RBFOX1: variants seen among roughly 807,000 people sequenced by gnomAD.
RBFOX1 encodes the protein RNA binding protein fox-1 homolog 1.
RBFOX1 carries 8 observed loss-of-function variants against 57.7 expected under a neutral mutation model. That is an observed-to-expected ratio of 0.14 (90% CI 0.08 to 0.25). The LOEUF is 0.25. RBFOX1 is among the 10% of genes least tolerant of loss of function. The pLI is 1.00. For missense variants in RBFOX1, 611 were observed against 548.5 expected, an observed-to-expected ratio of 1.11 and a Z score of -1.14; for synonymous variants, 326 against 222.4, an observed-to-expected ratio of 1.47 and a Z score of -4.15.
downstream of RBFOX1, among the ~76,000 whole-genome samples, chr16:5,602,688 T>G (rs2047405597): frequency 6.6e-6 from 1 of 152,184 alleles, no homozygotes; most frequent in Non-Finnish European, 1.5e-5. Context: ...ACCCTTTTAT[T>G]TTTTTTCTAT....
chr16:7,448,886 G>C (rs1394990920), intron 4 of RBFOX1, among the ~76,000 whole-genome samples: 2 of 147,336 alleles, frequency 1.4e-5, no homozygotes, highest in Non-Finnish European at 3.0e-5. Flanking sequence ...AACAAATAAG[G>C]TCATATTCCA....
intron 4 of RBFOX1, among the ~76,000 whole-genome samples, chr16:7,384,805 G>C (rs1206825901): frequency 6.6e-6 from 1 of 152,218 alleles, no homozygotes; most frequent in Non-Finnish European, 1.5e-5. Flanking sequence ...CAGTGGTATA[G>C]AGTGTGAACA....
chr16:5,314,816 C>G (rs1006351464), intron 1 of RBFOX1, among the ~76,000 whole-genome samples: 13 of 139,954 alleles, frequency 9.3e-5, no homozygotes, highest in Middle Eastern at 3.5e-3. Flanking sequence ...TCTTTTAAAA[C>G]CAGAAGATAT....
chr16:6,542,751 A>G (rs1327170749), intron 2 of RBFOX1, among the ~76,000 whole-genome samples: 1 of 151,524 alleles, frequency 6.6e-6, no homozygotes, highest in East Asian at 2.0e-4. Context: ...CTCGGCCCCC[A>G]GAAGTGCTGG....
At chr16:5,674,274 A>G (rs769122456) in intron 3 of RBFOX1, among the ~76,000 whole-genome samples, 2 of 152,250 alleles carry the variant, frequency 1.3e-5, no homozygotes, top group Non-Finnish European at 2.9e-5. Flanking sequence ...TTTAGGGTTC[A>G]GAGAAGCTGT....
At chr16:5,852,924 C>G (rs1381410036) in intron 3 of RBFOX1, among the ~76,000 whole-genome samples, 1 of 152,162 alleles carries the variant, frequency 6.6e-6, no homozygotes, top group Admixed American at 6.5e-5. Flanking sequence ...GCACTACTGC[C>G]CCTCCTCTAG....
intron 5 of RBFOX1, among the ~76,000 whole-genome samples, chr16:7,563,663 T>G (rs1340351079): frequency 6.6e-6 from 1 of 152,030 alleles, no homozygotes; most frequent in Non-Finnish European, 1.5e-5. Flanking sequence ...GAGACGGGGG[T>G]TTCACTATGT....
At chr16:5,841,831 C>A (rs1597455561) in intron 3 of RBFOX1, among the ~76,000 whole-genome samples, 1 of 152,214 alleles carries the variant, frequency 6.6e-6, no homozygotes, top group Non-Finnish European at 1.5e-5. Context: ...CTAAAAGAAT[C>A]AGAAATAGAT....
rs1430373411 is a variant in RBFOX1 at position 7,050,370 on chromosome 16, A to G, written c.-15-1687A>G. On this transcript the variant is annotated intron_variant, in intron 3 of 15. Transcript: ENST00000550418. ...AACCTCTGCCTCCCAGGTTCAAGTG[A>G]TTCTCCTGCTTCAGCCAACTGAGTA... Among the ~76,000 whole-genome samples the G allele has an allele frequency of 2.0e-5, 3 of 149,098 alleles. No individual in the cohort carries two copies. The East Asian group carries it at 6.0e-4, about 30-fold the overall frequency.
chr16:7,056,513 C>G (rs2052328420), intron 4 of RBFOX1, among the ~76,000 whole-genome samples: 2 of 152,088 alleles, frequency 1.3e-5, no homozygotes, highest in Admixed American at 6.5e-5. Flanking sequence ...GTGACCATAT[C>G]CAATTATCAA....
intron 4 of RBFOX1, among the ~76,000 whole-genome samples, chr16:5,980,479 A>C (rs975007880): frequency 6.6e-6 from 1 of 152,292 alleles, no homozygotes; most frequent in South Asian, 2.1e-4. Flanking sequence ...GGCAGACAGC[A>C]GACCTGAGAG....
At chr16:5,868,614 G>C (rs1049682906) in intron 4 of RBFOX1, among the ~76,000 whole-genome samples, 1 of 152,166 alleles carries the variant, frequency 6.6e-6, no homozygotes, top group African/African-American at 2.4e-5. Flanking sequence ...GGTGTGCAAA[G>C]GTTTTCCAGG....
rs555395930 is a variant in RBFOX1, at chr16:6,746,660, G to A, written c.-16+92010G>A. Among the ~76,000 whole-genome samples the A allele has an allele frequency of 8.8e-4, 134 of 151,616 alleles. 1 individual carries two copies. Among genetic ancestry groups the A allele is most frequent in the African/African-American group, 2.9e-3 (120 of 41,268 alleles). On this transcript the variant is annotated intron_variant, in intron 3 of 15. Transcript: ENST00000550418. Reference sequence around the variant, plus strand: ...GCCACTGCACTTCAGCCTGAGTGACGAGTGAGACACAGGTGTCAGGGAAAA... The same window carrying A: ...GCCACTGCACTTCAGCCTGAGTGACAAGTGAGACACAGGTGTCAGGGAAAA...
intron 4 of RBFOX1, among the ~76,000 whole-genome samples, chr16:7,372,099 G>A (rs2097576980): frequency 6.6e-6 from 1 of 152,122 alleles, no homozygotes; most frequent in Non-Finnish European, 1.5e-5. Context: ...CAGTGTGATT[G>A]TTGGGTCCAA....
chr16:5,906,139 G>A (rs138013325), intron 4 of RBFOX1, among the ~76,000 whole-genome samples: 2 of 152,262 alleles, frequency 1.3e-5, no homozygotes, highest in Admixed American at 1.3e-4. Flanking sequence ...AAGCATTAGG[G>A]ATTGAGTCAT....
intron 1 of RBFOX1, among the ~76,000 whole-genome samples, chr16:5,335,612 G>A (rs748153557): frequency 6.6e-6 from 1 of 152,190 alleles, no homozygotes; most frequent in Admixed American, 6.5e-5. Context: ...GCACATGAGC[G>A]AGCAGATTAG....
intron 3 of RBFOX1, among the ~76,000 whole-genome samples, chr16:5,754,321 A>G (rs1485487124): frequency 6.6e-6 from 1 of 152,150 alleles, no homozygotes; most frequent in Non-Finnish European, 1.5e-5. Context: ...CCTTGTGTTT[A>G]GTTGGTGCAA....
chr16:7,669,461 G>A (rs910390083), intron 13 of RBFOX1, among the ~76,000 whole-genome samples: 4 of 152,236 alleles, frequency 2.6e-5, no homozygotes, highest in Non-Finnish European at 4.4e-5. Context: ...AGAGCAGAGA[G>A]AAAGAGTGAG....
At chr16:6,567,891 G>A (rs1444760623) in intron 2 of RBFOX1, among the ~76,000 whole-genome samples, 1 of 152,258 alleles carries the variant, frequency 6.6e-6, no homozygotes, top group South Asian at 2.1e-4. Flanking sequence ...TGAGATTACA[G>A]TTTGCTGGAG....
Sources: allele counts gnomAD v4.1 joint callset (sites outside exome capture counted in the v4.1 genomes callset), GRCh38; gene constraint gnomAD v4.1.1; transcripts MANE v1.5; gene names NCBI Gene and HGNC (gene_info 2026-07-23, HGNC 2026-07-21).